Variants in PTPRB observed in about 807,000 individuals in gnomAD.
The protein encoded by PTPRB is protein tyrosine phosphatase receptor type B, also known as receptor-type tyrosine-protein phosphatase beta.
In PTPRB, 97 loss-of-function variants were observed where a neutral mutation model predicts 238.1. That is an observed-to-expected ratio of 0.41 (90% CI 0.35 to 0.48). PTPRB has a LOEUF of 0.48. Ranked by LOEUF, PTPRB falls within the 20% of genes least tolerant of loss-of-function variation. The pLI, the probability that PTPRB is intolerant of heterozygous loss-of-function variation, is 0.30. For missense variants in PTPRB, 2,292 were observed against 2,681.9 expected, an observed-to-expected ratio of 0.85 and a Z score of 3.21; for synonymous variants, 970 against 995.4, an observed-to-expected ratio of 0.97 and a Z score of 0.48.
intron 33 of PTPRB, among the ~76,000 whole-genome samples, chr12:70,522,865 T>TTTC (rs1555219462): frequency 1.7e-4 from 24 of 142,052 alleles, no homozygotes; most frequent in African/African-American, 2.9e-4. Flanking sequence ...TGTTTTTTCT[T>TTTC]TTTTTTTTTT....
At chr12:70,546,053 C>CTT (rs1221641166) in intron 21 of PTPRB, among the ~76,000 whole-genome samples, 1 of 150,828 alleles carries the variant, frequency 6.6e-6, no homozygotes, top group Non-Finnish European at 1.5e-5. Flanking sequence ...AGGAGAATCA[C>CTT]TTGAACATGG....
chr12:70,556,285 C>T, intron 18 of PTPRB, 137 bp from the exon 19 acceptor site: 3 of 786,020 alleles, frequency 3.8e-6, no homozygotes, highest in Non-Finnish European at 5.9e-6. Context: ...GTGGCTCACC[C>T]TAGCAGAGAC....
intron 33 of PTPRB, among the ~76,000 whole-genome samples, chr12:70,522,964 G>A (rs1369309588): frequency 1.4e-5 from 2 of 147,936 alleles, no homozygotes; most frequent in Admixed American, 1.4e-4. Context: ...TCGGGTTCAA[G>A]CAGTTCTCCT....
rs757160013 is a variant in PTPRB at position 70,555,191 on chromosome 12, T to C, written c.5112A>G (p.Lys1704=). Residue 1704 remains lysine, a synonymous_variant, in exon 20 of 34, where the codon AAA becomes AAG. Transcript: ENST00000334414. The part of the protein sequence containing the change: ...SWFSDTNGAV[K]YFTVVVREAD... ...CCTCTCTCACCACCACTGTGAAGTA[T>C]TTCACAGCTCCATTGGTGTCGCTGA... The C allele has an allele frequency of 6.2e-7, 1 of 1,613,962 alleles. No homozygotes were observed. The highest frequency in any genetic ancestry group is 8.5e-7 in the Non-Finnish European group (1 of 1,179,836).
In PTPRB at chr12:70,587,175, A is replaced by G; in HGVS notation, c.2143T>C (p.Tyr715His). ...TCTCTGTCAGCTAGGGAAATGATGT[A>G]TTTCTCCCATTCTGCTACAGGGGTC... ...WQTPVAEWEK[Y>H]IISLADRDLL... The change falls in exon 9 of 34, where the codon TAC (tyrosine) becomes CAC (histidine). Residue 715 changes from tyrosine (Y) to histidine (H), a missense_variant. By Grantham distance (83) the Tyr-to-His change is moderately conservative. Around this residue, in one of 4 missense-constraint regions of PTPRB, gnomAD observed 1,205 missense variants for 1,287.8 expected, o/e 0.94. Coordinates refer to ENST00000334414, the MANE Select transcript of PTPRB (RefSeq NM_001109754.4). The G allele has an allele frequency of 6.2e-7, 1 of 1,613,596 alleles. No individual in the cohort carries two copies. Among genetic ancestry groups the G allele is most frequent in the South Asian group, 1.1e-5 (1 of 91,058 alleles).
chr12:70,572,141 G>A, intron 11 of PTPRB, 54 bp from the exon 12 acceptor site: 1 of 1,457,428 alleles, frequency 6.9e-7, no homozygotes, highest in South Asian at 1.3e-5. Context: ...GTGAGTAATT[G>A]ATCACAGATG....
At chr12:70,615,687 C>A (rs1884648905) in intron 3 of PTPRB, among the ~76,000 whole-genome samples, 1 of 152,188 alleles carries the variant, frequency 6.6e-6, no homozygotes, top group African/African-American at 2.4e-5. Flanking sequence ...GGAGTCTACT[C>A]CCAGATGAAC....
Position 70,571,194 on chromosome 12 carries a change from C to T in PTPRB, c.3202G>A (p.Glu1068Lys). ...ATGTCATTGAAGAGCAGCTGGATCT[C>T]ATATTGGTCGACATCCCCATTAGCT... ...SGANGDVDQY[E>K]IQLLFNDMKV... The change falls in exon 13 of 34, where the codon GAG becomes AAG. Residue 1068 changes from glutamate to lysine, a missense_variant. By Grantham distance (56) the Glu-to-Lys change is moderately conservative. Transcript: ENST00000334414. 5.0e-6 allele frequency: 8 copies of T among 1,613,980 alleles called. No individual in the cohort carries two copies. Among genetic ancestry groups the T allele is most frequent in the Non-Finnish European group, 6.8e-6 (8 of 1,179,886 alleles).
intron 3 of PTPRB, chr12:70,609,749 C>G (rs749487340): frequency 6.4e-7 from 1 of 1,571,956 alleles, no homozygotes; most frequent in East Asian, 2.4e-5. Flanking sequence ...GACCCCTTCT[C>G]GGGCCACTCA....
Position 70,626,363 on chromosome 12 carries a change from CTATA to C in PTPRB, c.452-3721_452-3718del, listed in dbSNP as rs1240274495. 5.1e-3 allele frequency among the ~76,000 whole-genome samples: 687 copies of C among 133,474 alleles called. 3 individuals are homozygous for C. Among genetic ancestry groups the C allele is most frequent in the South Asian group, 0.011 (44 of 4,056 alleles). 87.6% of individuals were successfully genotyped at this position (133,474 alleles called of 152,430 possible). ...TCTATCTATCTATCTATCTATCTAT[CTATA>C]TTCCTGCCTGCCTGCCTGCCTGCCT... On this transcript the variant is annotated intron_variant, in intron 2 of 33. Transcript: ENST00000334414.
Position 70,604,623 on chromosome 12 carries a change from A to C in PTPRB, c.979+4446T>G, listed in dbSNP as rs146267607. 1.5e-3 allele frequency among the ~76,000 whole-genome samples: 227 copies of C among 152,344 alleles called. 1 individual carries two copies. Among genetic ancestry groups the C allele is most frequent in the African/African-American group, 5.0e-3 (207 of 41,590 alleles). On this transcript the variant is annotated intron_variant, in intron 4 of 33. Transcript: ENST00000334414. ...TTATGTTTAAAACTATAGAAGTATT[A>C]GGGGATGAATTGTGTCCCCACCAAA... is the stretch of plus-strand genomic sequence containing the variant.
rs1162183889 is a variant in PTPRB, at chr12:70,521,250, T to C, written c.*239A>G. On this transcript the variant is annotated 3_prime_UTR_variant, in exon 34 of 34. Coordinates refer to ENST00000334414, the MANE Select transcript of PTPRB (RefSeq NM_001109754.4). ...TTTAGTGTGGAAAAATAGTATTATA[T>C]AAAGCTTAATATTAAACATTATGAA... 2.6e-6 allele frequency: 1 copy of C among 380,824 alleles called. No homozygotes were observed. Among genetic ancestry groups the C allele is most frequent in the Non-Finnish European group, 4.7e-6 (1 of 214,736 alleles). 23.6% of individuals were successfully genotyped at this position (380,824 alleles called of 1,614,324 possible).
rs1322085868 is a variant in PTPRB, at chr12:70,539,017, G to A, written c.5779-3C>T. On this transcript the variant is annotated splice_region_variant and splice_polypyrimidine_tract_variant and intron_variant, in intron 26 of 33. Coordinates refer to ENST00000334414, the MANE Select transcript of PTPRB (RefSeq NM_001109754.4). ...TTTCGGCCCACGTCTTTTAACTCCT[G>A]TTAGGTCAAATATGAGTTTGTAAGT... The A allele has an allele frequency of 6.2e-7, 1 of 1,610,220 alleles. No homozygotes were observed. The highest frequency in any genetic ancestry group is 1.1e-5 in the South Asian group (1 of 90,734).
intron 18 of PTPRB, 49 bp from the exon 19 acceptor site, chr12:70,556,197 T>TTC: frequency 3.9e-6 from 6 of 1,533,328 alleles, no homozygotes; most frequent in Non-Finnish European, 3.5e-6. Flanking sequence ...GGGAGAATTT[T>TTC]TTTTTTTCAG....
rs376080900 is a variant in PTPRB at position 70,566,419 on chromosome 12, A to T, written c.3904+16T>A. 3.7e-6 allele frequency: 6 copies of T among 1,612,246 alleles called. No homozygotes were observed. The highest frequency in any genetic ancestry group is 5.1e-6 in the Non-Finnish European group (6 of 1,179,018). On this transcript the variant is annotated intron_variant, in intron 15 of 33. Transcript: ENST00000334414. ...TTGGCAATATGTGCTACAAAACATT[A>T]TGCTGTGCTAATTACCTGTTCGGCC...
At chr12:70,558,977 T>C (rs1878092341) in intron 18 of PTPRB, 2 of 353,092 alleles carry the variant, frequency 5.7e-6, no homozygotes, top group Non-Finnish European at 1.0e-5. Flanking sequence ...ACCTGGTAAA[T>C]CTCTTGCTTT....
chr12:70,535,367 C>T (rs1319921378), intron 29 of PTPRB, among the ~76,000 whole-genome samples: 2 of 150,818 alleles, frequency 1.3e-5, no homozygotes, highest in East Asian at 2.0e-4. Context: ...GGCCCTTCTT[C>T]GTTCATATTT....
chr12:70,581,780 T>C (rs1881423520), intron 9 of PTPRB, among the ~76,000 whole-genome samples: 1 of 151,558 alleles, frequency 6.6e-6, no homozygotes, highest in Admixed American at 6.6e-5. Context: ...AAGGGGCTGT[T>C]ATTATACATG....
intron 2 of PTPRB, among the ~76,000 whole-genome samples, chr12:70,629,111 T>C (rs1885329378): frequency 6.6e-6 from 1 of 152,170 alleles, no homozygotes; most frequent in African/African-American, 2.4e-5. Context: ...AAACTATTAA[T>C]ATGATAAACT....
Sources: gnomAD v4.1 joint callset for allele counts (sites outside exome capture counted in the v4.1 genomes callset) on GRCh38, gnomAD v4.1.1 for gene constraint, gnomAD v4.1.1 regional missense constraint, MANE v1.5 for transcripts, NCBI Gene and HGNC (gene_info 2026-07-23, HGNC 2026-07-21) for gene names.